ZNF534: variants seen among roughly 807,000 people sequenced by gnomAD.
The protein encoded by ZNF534 is zinc finger protein 534, also known as KRAB domain only 3.
A neutral mutation model predicts 13.6 loss-of-function variants in ZNF534; 19 were observed. The ratio of observed to expected loss-of-function variants is 1.40; its 90% CI spans 0.97 to 2.05. The LOEUF (loss-of-function observed/expected upper bound fraction) is 2.05. Ranked by LOEUF, ZNF534 falls within the 30% of genes most tolerant of loss-of-function variation. The pLI, the probability that ZNF534 is intolerant of heterozygous loss-of-function variation, is 0.00. For synonymous variants in ZNF534, 244 were observed against 273.8 expected (o/e 0.89, Z 1.07); for missense variants, 782 against 796.3 (o/e 0.98, Z 0.22).
intron 4 of ZNF534, among the ~76,000 whole-genome samples, chr19:52,450,886 A>T (rs1312707580): frequency 5.3e-5 from 8 of 151,526 alleles, no homozygotes; most frequent in African/African-American, 9.7e-5. Flanking sequence ...GGGTTTTGCC[A>T]TGTTGCCCAG....
exon 5 of ZNF534, chr19:52,451,592 G>A: frequency 1.6e-6 from 1 of 614,380 alleles, no homozygotes; most frequent in South Asian, 2.0e-5. Flanking sequence ...CGCGGGCTAC[G>A]ATCTGTACAG....
At chr19:52,435,371 G>T (rs1568443184) in intron 4 of ZNF534, among the ~76,000 whole-genome samples, 162 bp downstream of exon 4, 1 of 152,044 alleles carries the variant, frequency 6.6e-6, no homozygotes, top group Non-Finnish European at 1.5e-5. Flanking sequence ...CAAAGTGTTG[G>T]GATTACAGGC....
chr19:52,433,146 A>ACAG (rs2059099933), intron 2 of ZNF534, among the ~76,000 whole-genome samples: 1 of 150,320 alleles, frequency 6.7e-6, no homozygotes, highest in Non-Finnish European at 1.5e-5. Context: ...GGGAGGCTTA[A>ACAG]GAGGATCACT....
At chr19:52,434,478 A>G (rs1392991144) in intron 3 of ZNF534, among the ~76,000 whole-genome samples, 2 of 151,250 alleles carry the variant, frequency 1.3e-5, no homozygotes, top group Admixed American at 6.6e-5. Context: ...AAAAAAAAAA[A>G]AAAAAAAAGA....
chr19:52,443,512 GAGGCTGAGGTGGGCATATCACCAGGTC>G (rs944590205), downstream of ZNF534, among the ~76,000 whole-genome samples: 1 of 152,060 alleles, frequency 6.6e-6, no homozygotes, highest in African/African-American at 2.4e-5. Context: ...CTTACGTTGG[GAGGCTGAGGTGGGCATATCACCAGGTC>G]AGGAGTTCAA....
downstream of ZNF534, among the ~76,000 whole-genome samples, chr19:52,446,727 A>G (rs2059195804): frequency 6.6e-6 from 1 of 152,164 alleles, no homozygotes; most frequent in Admixed American, 6.5e-5. Context: ...CTGTAGTAGT[A>G]CATGCCTGAT....
In ZNF534 at chr19:52,435,095, G is replaced by C. The variant is rs977569442; in HGVS notation, c.157G>C (p.Asp53His). The C allele has an allele frequency of 1.9e-6, 3 of 1,612,554 alleles. No homozygotes were observed. The highest frequency in any genetic ancestry group is 2.7e-5 in the African/African-American group (2 of 74,864). Residue 53 changes from aspartate to histidine, a missense_variant, in exon 4 of 5, where the codon GAC (aspartate) becomes CAC (histidine). Around this residue, in one of 5 missense-constraint regions of ZNF534, gnomAD observed 81 missense variants for 63.5 expected, o/e 1.28. Transcript: ENST00000433050. Reference protein sequence around the residue: ...NLVSLGICLPDLSVTSMLEQK... With the variant: ...NLVSLGICLPHLSVTSMLEQK... ...TTTGTAAGTAGGAATCTGTCTTCCT[G>C]ACCTGAGTGTTACCTCCATGTTGGA... is the stretch of plus-strand genomic sequence containing the variant.
chr19:52,444,403 G>A (rs146838306), downstream of ZNF534, among the ~76,000 whole-genome samples: 1 of 152,174 alleles, frequency 6.6e-6, no homozygotes, highest in Non-Finnish European at 1.5e-5. Context: ...CAGTGTAGGT[G>A]GCAGGGGGAC....
Position 52,434,058 on chromosome 19 carries a change from A to G in ZNF534, c.119A>G (p.Asn40Ser). 1 of 1,614,158 alleles carries G rather than the reference A, an allele frequency of 6.2e-7. No individual in the cohort carries two copies. Among genetic ancestry groups the G allele is most frequent in the African/African-American group, 1.3e-5 (1 of 75,044 alleles). ...TTATACAGGGACGTGATGTTAGAGA[A>G]CTACAGGAACCTGGTCTCCCTAGGT... ...KALYRDVMLE[N>S]YRNLVSLGIC... Residue 40 changes from asparagine (N) to serine (S), a missense_variant, in exon 3 of 5, where the codon AAC becomes AGC. Coordinates refer to ENST00000433050, the MANE Select transcript of ZNF534 (RefSeq NM_001143938.3).
rs116287448 is a variant in ZNF534, at chr19:52,441,040, T to G, written c.*1594T>G. On this transcript the variant is annotated 3_prime_UTR_variant, in exon 5 of 5. Coordinates refer to ENST00000433050, the MANE Select transcript of ZNF534 (RefSeq NM_001143938.3). ...CCTCTACCTCCCGAGTAGCTAGGAC[T>G]ACAAGCACATGATGCCATCATGCCT... is the stretch of plus-strand genomic sequence containing the variant. 4.3e-3 allele frequency among the ~76,000 whole-genome samples: 647 copies of G among 152,192 alleles called. 3 individuals are homozygous for G. Among genetic ancestry groups the G allele is most frequent in the African/African-American group, 0.015 (620 of 41,526 alleles).
rs2059147023 is a variant in ZNF534, at chr19:52,438,608, A to G, written c.1148A>G (p.Lys383Arg). The change falls in exon 5 of 5, where the codon AAA becomes AGA. Residue 383 changes from lysine to arginine, a missense_variant. By Grantham distance (26) the Lys-to-Arg change is conservative (BLOSUM62 2). Transcript: ENST00000433050. Reference protein sequence around the residue: ...RKVHTGEKPYKCNECGKVFIG... With the variant: ...RKVHTGEKPYRCNECGKVFIG... ...GTTCATACTGGAGAGAAACCTTACA[A>G]ATGTAATGAGTGTGGCAAGGTCTTT... 3 of 1,589,616 alleles carry G rather than the reference A, an allele frequency of 1.9e-6. No homozygotes were observed. The highest frequency in any genetic ancestry group is 2.6e-6 in the Non-Finnish European group (3 of 1,166,668).
At chr19:52,446,555 T>TAA (rs10656804), downstream of ZNF534, among the ~76,000 whole-genome samples, 138,552 of 151,482 alleles carry the variant, frequency 0.91, 63,720 homozygotes, top group Non-Finnish European at 0.96. Context: ...GTGAGTGCTT[T>TAA]AAAAAAAATC....
chr19:52,431,300 C>T (rs1229223972), intron 1 of ZNF534, 108 bp from the exon 2 acceptor site: 4 of 799,354 alleles, frequency 5.0e-6, no homozygotes, highest in African/African-American at 3.5e-5. Flanking sequence ...CAGTAGGCAG[C>T]AGAGGACCAT....
Position 52,431,403 on chromosome 19 carries a change from A to G in ZNF534, c.-67-5A>G, listed in dbSNP as rs113606542. ...AGCCCTAAACAGCATTATTTTTGAT[A>G]CTAGGATTCACTTTCAAAGAGACAT... On this transcript the variant is annotated splice_region_variant and splice_polypyrimidine_tract_variant and intron_variant, in intron 1 of 4. Coordinates refer to ENST00000433050, the MANE Select transcript of ZNF534 (RefSeq NM_001143938.3). 8.7e-6 allele frequency: 14 copies of G among 1,600,124 alleles called. No individual in the cohort carries two copies. The highest frequency in any genetic ancestry group is 3.3e-4 in the Middle Eastern group (2 of 5,996).
intron 1 of ZNF534, among the ~76,000 whole-genome samples, chr19:52,429,617 CTG>C (rs2059073531): frequency 1.4e-5 from 2 of 139,782 alleles, no homozygotes; most frequent in African/African-American, 5.3e-5. Context: ...TTTCCTGAGA[CTG>C]AGTTTTGCTC....
chr19:52,438,251 A>T lies in ZNF534; in HGVS notation c.791A>T (p.His264Leu). The change falls in exon 5 of 5, where the codon CAT becomes CTT. Residue 264 changes from histidine to leucine, a missense_variant. Coordinates refer to ENST00000433050, the MANE Select transcript of ZNF534 (RefSeq NM_001143938.3). ...NSHLAQHQKI[H>L]TGQKPYNNKE... The stretch of plus-strand genomic sequence containing the variant: ...CACCTTGCACAACATCAGAAAATTC[A>T]TACTGGACAGAAACCTTACAATAAC... 6.2e-7 allele frequency: 1 copy of T among 1,605,824 alleles called. No individual in the cohort carries two copies. The highest frequency in any genetic ancestry group is 1.3e-5 in the African/African-American group (1 of 74,904).
Position 52,437,714 on chromosome 19 carries a change from A to T in ZNF534, c.272-18A>T. Reference sequence around the variant, plus strand: ...GCCAGAATCGGGATTAAGTTCTAAAATTTTCTTGCTTTTCTAGAGAAGAGT... The same window carrying T: ...GCCAGAATCGGGATTAAGTTCTAAATTTTTCTTGCTTTTCTAGAGAAGAGT... On this transcript the variant is annotated intron_variant, in intron 4 of 4. Coordinates refer to ENST00000433050, the MANE Select transcript of ZNF534 (RefSeq NM_001143938.3). 1 of 1,537,794 alleles carries T rather than the reference A, an allele frequency of 6.5e-7. No homozygotes were observed. Among genetic ancestry groups the T allele is most frequent in the Non-Finnish European group, 8.7e-7 (1 of 1,146,244 alleles).
chr19:52,438,729 A>G lies in ZNF534; in HGVS notation c.1269A>G (p.Ser423=). ...GTGGCAAAGCATTTAGAACGTGTTCAGATCTCACTGCCCATCTTCTAATCC... is the reference window on the plus strand; with the variant it reads ...GTGGCAAAGCATTTAGAACGTGTTCGGATCTCACTGCCCATCTTCTAATCC... ...NECGKAFRTC[S]DLTAHLLIHT... Residue 423 remains serine, a synonymous_variant, in exon 5 of 5, where the codon TCA becomes TCG. Transcript: ENST00000433050. 2 of 1,592,178 alleles carry G rather than the reference A, an allele frequency of 1.3e-6. No individual in the cohort carries two copies. Among genetic ancestry groups the G allele is most frequent in the Non-Finnish European group, 1.7e-6 (2 of 1,168,656 alleles).
chr19:52,441,710 C>T lies in ZNF534; in HGVS notation c.*2264C>T, dbSNP rs770280043. On this transcript the variant is annotated 3_prime_UTR_variant, in exon 5 of 5. Coordinates refer to ENST00000433050, the MANE Select transcript of ZNF534 (RefSeq NM_001143938.3). ...ACAACTGTAATGAATGTGGCAAGGT[C>T]TCAAATTGAAATTCACATCTTGCGA... Among the ~76,000 whole-genome samples, 1 of 152,194 alleles carries T rather than the reference C, an allele frequency of 6.6e-6. No homozygotes were observed. The highest frequency in any genetic ancestry group is 2.1e-4 in the South Asian group (1 of 4,830).
Sources: gnomAD v4.1 joint callset for allele counts (sites outside exome capture counted in the v4.1 genomes callset) on GRCh38, gnomAD v4.1.1 for gene constraint, gnomAD v4.1.1 regional missense constraint, MANE v1.5 for transcripts, NCBI Gene and HGNC (gene_info 2026-07-23, HGNC 2026-07-21) for gene names.